DIP2C: variants seen among roughly 807,000 people sequenced by gnomAD.
The protein encoded by DIP2C is DIP2 acetate--CoA ligase C (putative), also known as disco-interacting protein 2 homolog C.
DIP2C carries 33 observed loss-of-function variants against 192.4 expected under a neutral mutation model. That is an observed-to-expected ratio of 0.17 (90% CI 0.13 to 0.23). DIP2C has a LOEUF of 0.23. DIP2C is among the 10% of genes least tolerant of loss of function. The probability of loss-of-function intolerance (pLI) is 1.00; values close to 1 mark genes in which losing one functional copy is unlikely to be tolerated. For missense variants in DIP2C, 1,537 were observed against 2,110.1 expected (o/e 0.73, Z 5.32); for synonymous variants, 979 against 864.1 (o/e 1.13, Z -2.33).
intron 1 of DIP2C, among the ~76,000 whole-genome samples, chr10:620,396 T>A (rs562297951): frequency 6.6e-6 from 1 of 151,990 alleles, no homozygotes; most frequent in Non-Finnish European, 1.5e-5. Context: ...CAAACCTACA[T>A]TGGACTCAAA....
intron 1 of DIP2C, chr10:650,676 G>T (rs1184282838): frequency 1.1e-5 from 7 of 618,766 alleles, no homozygotes; most frequent in Non-Finnish European, 2.1e-5. Flanking sequence ...CTGGCAAGGG[G>T]CCTCCCAGCC....
chr10:503,852 C>T (rs1247439363), intron 1 of DIP2C, among the ~76,000 whole-genome samples: 2 of 152,240 alleles, frequency 1.3e-5, no homozygotes, highest in Admixed American at 6.5e-5. Flanking sequence ...TCTCTGCCGC[C>T]TACATCAGAC....
intron 3 of DIP2C, 41 bp downstream of exon 3, chr10:472,398 G>A (rs369445318): frequency 9.5e-6 from 15 of 1,575,362 alleles, no homozygotes; most frequent in Middle Eastern, 1.7e-4. Flanking sequence ...CCTGGCACAG[G>A]TGGCAGATGG....
chr10:647,164 C>G (rs1358282367), intron 1 of DIP2C, among the ~76,000 whole-genome samples: 1 of 151,168 alleles, frequency 6.6e-6, no homozygotes, highest in African/African-American at 2.4e-5. Flanking sequence ...ACTGAGTCCA[C>G]ATCCACATTG....
At chr10:669,694 G>A (rs1857324224) in intron 1 of DIP2C, 1 of 152,156 alleles carries the variant, frequency 6.6e-6, no homozygotes, top group Non-Finnish European at 1.5e-5. Flanking sequence ...CACAACTGTG[G>A]CACCAGCTAG....
At chr10:379,659 G>A (rs532747990) in intron 17 of DIP2C, among the ~76,000 whole-genome samples, 1 of 152,230 alleles carries the variant, frequency 6.6e-6, no homozygotes, top group Non-Finnish European at 1.5e-5. Context: ...ACATATTCCA[G>A]AGAGGGCCAA....
chr10:618,724 C>A lies in DIP2C; in HGVS notation c.85+70770G>T, dbSNP rs569247356. Among the ~76,000 whole-genome samples the A allele has an allele frequency of 2.6e-5, 4 of 152,330 alleles. No homozygotes were observed. In the East Asian group the frequency reaches 7.7e-4, roughly 29 times the overall value. ...TAATTATTTGGGAACAGAGCCTCTGCCAGATCAGGATAAGTGCTTGGGACA... is the reference window on the plus strand; with the variant it reads ...TAATTATTTGGGAACAGAGCCTCTGACAGATCAGGATAAGTGCTTGGGACA... On this transcript the variant is annotated intron_variant, in intron 1 of 36. Transcript: ENST00000280886.
chr10:480,338 G>T (rs543445871), intron 2 of DIP2C, among the ~76,000 whole-genome samples: 1 of 146,342 alleles, frequency 6.8e-6, no homozygotes, highest in Non-Finnish European at 1.5e-5. Flanking sequence ...CTCACTGGAT[G>T]AGGGTCTCAT....
At chr10:296,470 G>T (rs541861138) in intron 32 of DIP2C, among the ~76,000 whole-genome samples, 6 of 152,268 alleles carry the variant, frequency 3.9e-5, no homozygotes, top group Non-Finnish European at 7.4e-5. Flanking sequence ...CATTGTGAAA[G>T]ACATTGTGGC....
chr10:565,683 T>C (rs1402927095), intron 1 of DIP2C, among the ~76,000 whole-genome samples: 8 of 152,354 alleles, frequency 5.3e-5, no homozygotes, highest in African/African-American at 1.7e-4. Context: ...AGGTATATCA[T>C]CAAATGCACT....
At chr10:582,497 C>T (rs1850732858) in intron 1 of DIP2C, among the ~76,000 whole-genome samples, 1 of 152,182 alleles carries the variant, frequency 6.6e-6, no homozygotes, top group Admixed American at 6.5e-5. Context: ...GTGGGAGGAT[C>T]GCCTGAGCCA....
At chr10:561,719 G>C (rs146415263) in intron 1 of DIP2C, among the ~76,000 whole-genome samples, 139 of 152,290 alleles carry the variant, frequency 9.1e-4, no homozygotes, top group East Asian at 7.7e-4. Context: ...TCCTGGTCCC[G>C]TCTAGAGCTT....
At chr10:586,411 AC>A (rs1851025466) in intron 1 of DIP2C, among the ~76,000 whole-genome samples, 1 of 152,050 alleles carries the variant, frequency 6.6e-6, no homozygotes, top group East Asian at 1.9e-4. Context: ...TTCCTCAGGG[AC>A]CACCAACCTC....
At chr10:531,843 G>A (rs541358188) in intron 1 of DIP2C, among the ~76,000 whole-genome samples, 38 of 152,360 alleles carry the variant, frequency 2.5e-4, no homozygotes, top group African/African-American at 8.7e-4. Flanking sequence ...AGCCAATGCA[G>A]GCAACGCTTG....
intron 6 of DIP2C, among the ~76,000 whole-genome samples, chr10:418,567 G>T (rs1330925808): frequency 2.0e-5 from 3 of 152,200 alleles, no homozygotes; most frequent in Admixed American, 1.3e-4. Flanking sequence ...AAGGAAGGAA[G>T]AAGCCCTCGG....
At chr10:318,203 T>C (rs940668299) in intron 31 of DIP2C, among the ~76,000 whole-genome samples, 2 of 152,120 alleles carry the variant, frequency 1.3e-5, no homozygotes, top group African/African-American at 4.8e-5. Context: ...ATCTCAACCG[T>C]CCTCCTGTAT....
intron 1 of DIP2C, among the ~76,000 whole-genome samples, chr10:595,112 A>C (rs1851628935): frequency 6.6e-6 from 1 of 152,194 alleles, no homozygotes; most frequent in Non-Finnish European, 1.5e-5. Context: ...ACAAGAGGTA[A>C]AATGGCAAAT....
intron 1 of DIP2C, among the ~76,000 whole-genome samples, chr10:487,148 T>C (rs1341699353): frequency 6.6e-6 from 1 of 152,230 alleles, no homozygotes; most frequent in Admixed American, 6.5e-5. Flanking sequence ...CAGCCATGCC[T>C]TTCCTGGAGC....
At chr10:356,566 G>A (rs1959093721) in intron 23 of DIP2C, 60 bp from the exon 24 acceptor site, 1 of 1,450,500 alleles carries the variant, frequency 6.9e-7, no homozygotes, top group Non-Finnish European at 9.5e-7. Context: ...TGTGCGGGCT[G>A]AGGTGGGGCA....
Sources: gnomAD v4.1 joint callset for allele counts (sites outside exome capture counted in the v4.1 genomes callset) on GRCh38, gnomAD v4.1.1 for gene constraint, MANE v1.5 for transcripts, NCBI Gene and HGNC (gene_info 2026-07-23, HGNC 2026-07-21) for gene names.